The following BEND3 variants were observed in gnomAD, a reference collection of about 807,000 sequenced individuals.
The protein encoded by BEND3 is BEN domain containing 3.
In BEND3, 13 loss-of-function variants were observed where a neutral mutation model predicts 60.1. The ratio of observed to expected loss-of-function variants is 0.22; its 90% CI spans 0.14 to 0.34. The LOEUF is 0.34. BEND3 is among the 10% of genes least tolerant of loss of function. The probability of loss-of-function intolerance (pLI) is 1.00; values close to 1 mark genes in which losing one functional copy is unlikely to be tolerated. For missense variants in BEND3, 896 were observed against 1,138.1 expected, an observed-to-expected ratio of 0.79 and a Z score of 3.06; for synonymous variants, 497 against 491.5, an observed-to-expected ratio of 1.01 and a Z score of -0.15.
chr6:107,100,705 GTCTCTGATA>G (rs1438620413), intron 1 of BEND3, among the ~76,000 whole-genome samples: 7 of 152,272 alleles, frequency 4.6e-5, no homozygotes, highest in African/African-American at 1.4e-4. Context: ...TTACCACTAA[GTCTCTGATA>G]TCTCCGAATA....
intron 3 of BEND3, 65 bp from the exon 4 acceptor site, chr6:107,071,015 G>T: frequency 6.8e-7 from 1 of 1,463,732 alleles, no homozygotes. Flanking sequence ...ACTAAACAAG[G>T]GTCTGTGTAG....
At chr6:107,102,432 G>A (rs1775721213) in intron 1 of BEND3, among the ~76,000 whole-genome samples, 1 of 152,194 alleles carries the variant, frequency 6.6e-6, no homozygotes, top group African/African-American at 2.4e-5. Context: ...CCCCTATAAA[G>A]TGATGAAGGA....
At chr6:107,098,524 A>G (rs559783023) in intron 3 of BEND3, 27 bp downstream of exon 3, 8 of 1,607,248 alleles carry the variant, frequency 5.0e-6, no homozygotes, top group African/African-American at 4.0e-5. Flanking sequence ...GAGCCCAAGC[A>G]AAGAGTGACA....
intron 1 of BEND3, among the ~76,000 whole-genome samples, chr6:107,100,236 A>G (rs1381401585): frequency 6.6e-6 from 1 of 151,914 alleles, no homozygotes; most frequent in Non-Finnish European, 1.5e-5. Context: ...GCTAAATACA[A>G]TACTTTATTT....
At chr6:107,092,689 C>T (rs1775501435) in intron 3 of BEND3, among the ~76,000 whole-genome samples, 1 of 152,066 alleles carries the variant, frequency 6.6e-6, no homozygotes, top group African/African-American at 2.4e-5. Flanking sequence ...ATAAAACTGT[C>T]TTTCTTTGCA....
chr6:107,090,645 G>A (rs532379854), intron 3 of BEND3, among the ~76,000 whole-genome samples: 175 of 152,238 alleles, frequency 1.1e-3, no homozygotes, highest in African/African-American at 3.9e-3. Flanking sequence ...AGGGAGAAGA[G>A]GGAGGAATTT....
At chr6:107,085,311 A>G (rs1194470977) in intron 3 of BEND3, among the ~76,000 whole-genome samples, 5 of 152,188 alleles carry the variant, frequency 3.3e-5, no homozygotes, top group Non-Finnish European at 2.9e-5. Flanking sequence ...AGTGAGACTA[A>G]GAATCCACCA....
intron 3 of BEND3, among the ~76,000 whole-genome samples, chr6:107,087,748 ACAAAC>A (rs1169596319): frequency 3.6e-5 from 2 of 54,982 alleles, no homozygotes; most frequent in Non-Finnish European, 8.5e-5. Flanking sequence ...AAACAAACAA[ACAAAC>A]AAAAAAACAG....
chr6:107,099,659 A>G (rs1237433049), intron 1 of BEND3, among the ~76,000 whole-genome samples: 1 of 152,190 alleles, frequency 6.6e-6, no homozygotes, highest in African/African-American at 2.4e-5. Context: ...GCCACAAAAC[A>G]AATAGGCTGA....
intron 1 of BEND3, among the ~76,000 whole-genome samples, chr6:107,105,775 G>C (rs1554237413): frequency 6.6e-6 from 1 of 152,226 alleles, no homozygotes; most frequent in Admixed American, 6.5e-5. Context: ...CCTCGCCACT[G>C]TGCTGAGGTG....
At chr6:107,109,129 G>A (rs1234998242) in intron 1 of BEND3, among the ~76,000 whole-genome samples, 5 of 151,108 alleles carry the variant, frequency 3.3e-5, no homozygotes, top group East Asian at 2.0e-4. Flanking sequence ...TTAAATACAC[G>A]TTTCAACTTG....
Position 107,068,863 on chromosome 6 carries a change from C to T in BEND3, c.2328G>A (p.Arg776=), listed in dbSNP as rs1262961693. The change falls in exon 4 of 4, where the codon CGG becomes CGA. Residue 776 remains arginine, a synonymous_variant. Coordinates refer to ENST00000369042, the MANE Select transcript of BEND3 (RefSeq NM_001367314.1). This position sits in a 1 kb window ranked among gnomAD's most constrained non-coding sequence, Gnocchi z 5.8. The part of the protein sequence containing the change: ...ACNKKQLDPT[R]LRLIRHYVEA... ...CCACGTAGTGGCGGATGAGCCGCAG[C>T]CGCGTGGGGTCCAGTTGCTTCTTGT... 8 of 1,613,614 alleles carry T rather than the reference C, an allele frequency of 5.0e-6. No individual in the cohort carries two copies. Among genetic ancestry groups the T allele is most frequent in the Non-Finnish European group, 6.8e-6 (8 of 1,179,930 alleles).
At chr6:107,093,469 A>C (rs549136218) in intron 3 of BEND3, among the ~76,000 whole-genome samples, 1 of 152,232 alleles carries the variant, frequency 6.6e-6, no homozygotes, top group African/African-American at 2.4e-5. Context: ...TCAAAAAAAA[A>C]AAAAAGAAAA....
chr6:107,101,426 G>A (rs1160566620), intron 1 of BEND3, among the ~76,000 whole-genome samples: 1 of 152,182 alleles, frequency 6.6e-6, no homozygotes, highest in Non-Finnish European at 1.5e-5. Context: ...TGCTTATGAT[G>A]TGAAGCACTA....
chr6:107,100,522 C>T (rs1198318208), intron 1 of BEND3, among the ~76,000 whole-genome samples: 1 of 152,152 alleles, frequency 6.6e-6, no homozygotes, highest in Non-Finnish European at 1.5e-5. Context: ...CCACCTCAGC[C>T]TCCCAAAGTG....
intron 1 of BEND3, 131 bp downstream of exon 1, chr6:107,114,959 C>T (rs1770232826): frequency 6.8e-6 from 1 of 148,134 alleles, no homozygotes; most frequent in Non-Finnish European, 1.5e-5. Context: ...GGAGCAGCCC[C>T]CCTCCGCGTC....
At chr6:107,106,909 T>C (rs1775827059) in intron 1 of BEND3, among the ~76,000 whole-genome samples, 1 of 149,298 alleles carries the variant, frequency 6.7e-6, no homozygotes, top group Non-Finnish European at 1.5e-5. Context: ...CACCTGACCC[T>C]TAACCCAGCC....
At chr6:107,110,039 A>C (rs1775909356) in intron 1 of BEND3, among the ~76,000 whole-genome samples, 4 of 131,846 alleles carry the variant, frequency 3.0e-5, no homozygotes, top group African/African-American at 8.0e-5. Flanking sequence ...TCAAAAAAAA[A>C]AAAAAAAAAG....
At chr6:107,072,075 G>A (rs538299332) in intron 3 of BEND3, among the ~76,000 whole-genome samples, 172 of 152,316 alleles carry the variant, frequency 1.1e-3, no homozygotes, top group African/African-American at 4.0e-3. Flanking sequence ...AGATACTTAT[G>A]TAAATGTATA....
Sources: allele counts gnomAD v4.1 joint callset (sites outside exome capture counted in the v4.1 genomes callset), GRCh38; gene constraint gnomAD v4.1.1; non-coding constraint Gnocchi (gnomAD v3.1); transcripts MANE v1.5; gene names NCBI Gene and HGNC (gene_info 2026-07-23, HGNC 2026-07-21).